Variants in MRPL13 observed in about 807,000 individuals in gnomAD.
The protein encoded by MRPL13 is large ribosomal subunit protein uL13m.
MRPL13 carries 33 observed loss-of-function variants against 29.0 expected under a neutral mutation model. The ratio of observed to expected loss-of-function variants is 1.14; its 90% CI spans 0.86 to 1.52. The LOEUF (loss-of-function observed/expected upper bound fraction) is 1.52. Among genes scored for constraint, MRPL13 ranks in the 40% most tolerant of loss-of-function variants. The pLI is 0.00. For missense variants in MRPL13, 227 were observed against 216.7 expected (o/e 1.05, Z -0.30); for synonymous variants, 77 against 68.4 (o/e 1.13, Z -0.62).
intron 6 of MRPL13, among the ~76,000 whole-genome samples, chr8:120,399,679 T>A (rs1362070030): frequency 1.3e-5 from 2 of 151,964 alleles, no homozygotes; most frequent in African/African-American, 4.8e-5. Context: ...AATGACCCAA[T>A]TAAAAGACAC....
intron 5 of MRPL13, 173 bp from the exon 6 acceptor site, chr8:120,414,285 T>A: frequency 2.1e-6 from 1 of 471,814 alleles, no homozygotes; most frequent in Non-Finnish European, 3.3e-6. Context: ...TACATTAGGT[T>A]AATAATACAA....
intron 2 of MRPL13, among the ~76,000 whole-genome samples, chr8:120,435,730 T>G (rs1195034229): frequency 1.3e-5 from 2 of 152,104 alleles, no homozygotes; most frequent in Non-Finnish European, 2.9e-5. Context: ...CTGAACTAAT[T>G]TGCACTCCCA....
At chr8:120,417,781 G>A (rs1394583585) in intron 5 of MRPL13, among the ~76,000 whole-genome samples, 1 of 151,974 alleles carries the variant, frequency 6.6e-6, no homozygotes, top group Non-Finnish European at 1.5e-5. Context: ...TTTTGCATGT[G>A]TATACCCTAT....
intron 2 of MRPL13, among the ~76,000 whole-genome samples, chr8:120,440,606 CTCA>C (rs1563778228): frequency 8.5e-5 from 5 of 58,936 alleles, no homozygotes; most frequent in East Asian, 6.4e-4. Flanking sequence ...CTCTCTCTCT[CTCA>C]AAAAAAAAAA....
chr8:120,431,959 G>A (rs1161119876), intron 3 of MRPL13, 71 bp downstream of exon 3: 7 of 1,057,898 alleles, frequency 6.6e-6, no homozygotes, highest in Non-Finnish European at 6.7e-6. Flanking sequence ...TTTCTTTTAA[G>A]TAAGAACAAC....
rs75826390 is a variant in MRPL13 at position 120,409,694 on chromosome 8, C to T, written c.515+4297G>A. Among the ~76,000 whole-genome samples, 969 of 152,142 alleles carry T rather than the reference C, an allele frequency of 6.4e-3. 32 individuals carry two copies. Among genetic ancestry groups the T allele is most frequent in the Admixed American group, 0.048 (739 of 15,274 alleles). ...ACATATTTTCACAAAATTTATGTAT[C>T]CATGATTTATGTAAAATATACTAAT... is the stretch of plus-strand genomic sequence containing the variant. On this transcript the variant is annotated intron_variant, in intron 6 of 6. Coordinates refer to ENST00000306185, the MANE Select transcript of MRPL13 (RefSeq NM_014078.6).
At chr8:120,443,622 T>C (rs1156282828) in intron 1 of MRPL13, among the ~76,000 whole-genome samples, 1 of 151,776 alleles carries the variant, frequency 6.6e-6, no homozygotes, top group African/African-American at 2.4e-5. Flanking sequence ...TATGACTTTT[T>C]TTTTTTTTTT....
intron 2 of MRPL13, among the ~76,000 whole-genome samples, chr8:120,437,472 T>C (rs1284970270): frequency 2.0e-5 from 3 of 152,198 alleles, no homozygotes; most frequent in Non-Finnish European, 4.4e-5. Flanking sequence ...TCCTCCTCAA[T>C]GAATATTAAT....
intron 3 of MRPL13, among the ~76,000 whole-genome samples, chr8:120,426,530 A>G (rs998055300): frequency 4.5e-4 from 68 of 152,274 alleles, no homozygotes; most frequent in African/African-American, 1.6e-3. Context: ...CTATGCTGAA[A>G]GATGATCTTT....
intron 5 of MRPL13, among the ~76,000 whole-genome samples, chr8:120,417,094 A>T (rs1812812665): frequency 6.6e-6 from 1 of 152,138 alleles, no homozygotes; most frequent in African/African-American, 2.4e-5. Context: ...ATGTTGCAGA[A>T]TTTCCTTTTA....
intron 6 of MRPL13, 143 bp downstream of exon 6, chr8:120,413,848 T>C (rs1812769867): frequency 2.8e-6 from 3 of 1,053,182 alleles, no homozygotes; most frequent in East Asian, 6.0e-5. Context: ...CTAGAGTTTA[T>C]TTGTAGGTAG....
intron 6 of MRPL13, among the ~76,000 whole-genome samples, chr8:120,405,967 G>A (rs1379496721): frequency 1.3e-5 from 2 of 152,174 alleles, no homozygotes; most frequent in African/African-American, 2.4e-5. Flanking sequence ...ATAGGTGAAT[G>A]TATATTGTAC....
At chr8:120,444,381 C>T (rs1218232875) in intron 1 of MRPL13, among the ~76,000 whole-genome samples, 1 of 152,152 alleles carries the variant, frequency 6.6e-6, no homozygotes, top group African/African-American at 2.4e-5. Context: ...TCTCAGCCTT[C>T]CCTATCTCAG....
chr8:120,423,434 A>G (rs1167535367), intron 4 of MRPL13, among the ~76,000 whole-genome samples: 2 of 152,134 alleles, frequency 1.3e-5, no homozygotes, highest in African/African-American at 4.8e-5. Context: ...ATAAGACTGT[A>G]GTAGGAAGAT....
chr8:120,414,274 G>C, intron 5 of MRPL13, 162 bp from the exon 6 acceptor site: 1 of 523,496 alleles, frequency 1.9e-6, no homozygotes, highest in South Asian at 4.8e-5. Context: ...TTCCCCAAAA[G>C]TACATTAGGT....
rs1812848623 is a variant in MRPL13, at chr8:120,419,841, C to A, written c.393+11G>T. 2 of 1,579,890 alleles carry A rather than the reference C, an allele frequency of 1.3e-6. No individual in the cohort carries two copies. The highest frequency in any genetic ancestry group is 2.4e-5 in the South Asian group (2 of 84,428). ...TTGGAAAAGCATTGTTACCAATGAC[C>A]ACTGACTTACCTCATCTGGAAAAAG... On this transcript the variant is annotated intron_variant, in intron 5 of 6. Transcript: ENST00000306185.
intron 4 of MRPL13, among the ~76,000 whole-genome samples, 157 bp downstream of exon 4, chr8:120,425,149 A>G (rs1028203920): frequency 3.3e-5 from 5 of 152,194 alleles, no homozygotes; most frequent in African/African-American, 1.2e-4. Context: ...GTTGAATATT[A>G]AAAATAATAC....
At chr8:120,408,877 A>G (rs768246684) in intron 6 of MRPL13, among the ~76,000 whole-genome samples, 5 of 152,332 alleles carry the variant, frequency 3.3e-5, no homozygotes, top group African/African-American at 4.8e-5. Context: ...TTCTAGAGCT[A>G]TAGACTGAAG....
chr8:120,432,051 T>G lies in MRPL13; in HGVS notation c.224A>C (p.Lys75Thr). Reference protein sequence around the residue: ...IAFSGNKWEQKVYSSHTGYPG... With the variant: ...IAFSGNKWEQTVYSSHTGYPG... ...TTACCCAGTATGCGAAGAGTATACT[T>G]TTTGTTCCCATTTGTTTCCAGAAAA... Residue 75 changes from lysine (K) to threonine (T), a missense_variant, in exon 3 of 7, where the codon AAA becomes ACA. Physicochemically the swap from Lys to Thr is moderately conservative, Grantham distance 78 (BLOSUM62 -1). Transcript: ENST00000306185. 6.2e-7 allele frequency: 1 copy of G among 1,608,480 alleles called. No homozygotes were observed. The highest frequency in any genetic ancestry group is 1.1e-5 in the South Asian group (1 of 90,134).
Sources: allele counts gnomAD v4.1 joint callset (sites outside exome capture counted in the v4.1 genomes callset), GRCh38; gene constraint gnomAD v4.1.1; transcripts MANE v1.5; gene names NCBI Gene and HGNC (gene_info 2026-07-23, HGNC 2026-07-21).